Variants in DYSF observed in about 807,000 individuals in gnomAD.
DYSF encodes dystrophy-associated fer-1-like 1.
A neutral mutation model predicts 274.9 loss-of-function variants in DYSF; 212 were observed. The observed-to-expected ratio is 0.77, with a 90% CI of 0.69 to 0.86. The LOEUF (loss-of-function observed/expected upper bound fraction) is 0.86. DYSF is among the 40% of genes least tolerant of loss of function. The probability of loss-of-function intolerance (pLI) is 0.00; values close to 1 mark genes in which losing one functional copy is unlikely to be tolerated. For synonymous variants in DYSF, 1,091 were observed against 1,078.7 expected (o/e 1.01, Z -0.22); for missense variants, 2,666 against 2,783.2 (o/e 0.96, Z 0.95).
Position 71,611,590 on chromosome 2 carries a change from C to A in DYSF, c.4185C>A (p.Asn1395Lys), listed in dbSNP as rs769037989. Residue 1395 changes from asparagine (N) to lysine (K), a missense_variant, in exon 38 of 56, where the codon AAC becomes AAA. This residue lies in a region of DYSF where 1,460 missense variants were observed against 1,502.1 expected (regional missense o/e 0.97). Transcript: ENST00000410020. ...GTGTCATCAGGAACCTCCGGAAGAA[C>A]CCCAACTTTGACATCTGCACCCTCT... ...QSCVIRNLRK[N>K]PNFDICTLFM... 2 of 1,614,028 alleles carry A rather than the reference C, an allele frequency of 1.2e-6. No homozygotes were observed. Among genetic ancestry groups the A allele is most frequent in the Non-Finnish European group, 1.7e-6 (2 of 1,180,038 alleles).
intron 30 of DYSF, among the ~76,000 whole-genome samples, chr2:71,583,197 AAATAT>A (rs2092954086): frequency 6.6e-6 from 1 of 152,198 alleles, no homozygotes; most frequent in Admixed American, 6.5e-5. Flanking sequence ...GAATTCCTGA[AAATAT>A]AATCTGCTCT....
intron 47 of DYSF, 124 bp from the exon 48 acceptor site, chr2:71,667,252 G>A: frequency 7.2e-7 from 1 of 1,388,694 alleles, no homozygotes; most frequent in Non-Finnish European, 1.0e-6. Flanking sequence ...TGCTGGGGGT[G>A]AGGCTGCGGG....
chr2:71,480,555 A>T (rs1445731464), intron 1 of DYSF, among the ~76,000 whole-genome samples: 1 of 152,022 alleles, frequency 6.6e-6, no homozygotes, highest in Admixed American at 6.6e-5. Flanking sequence ...TGCTGTCTCT[A>T]AAAAAAATAA....
chr2:71,656,220 A>C lies in DYSF; in HGVS notation c.4685A>C (p.Asn1562Thr). The C allele has an allele frequency of 6.2e-7, 1 of 1,614,216 alleles. No homozygotes were observed. The highest frequency in any genetic ancestry group is 8.5e-7 in the Non-Finnish European group (1 of 1,180,052). Residue 1562 changes from asparagine to threonine, a missense_variant, in exon 43 of 56, where the codon AAC becomes ACC. Transcript: ENST00000410020. ...TTTGAGGGCCTGTCTGACTTTTGTA[A>C]CACCTTCAAGCTGTACCGGGGCAAG... is the stretch of plus-strand genomic sequence containing the variant. Reference protein sequence around the residue: ...EAFEGLSDFCNTFKLYRGKTQ... With the variant: ...EAFEGLSDFCTTFKLYRGKTQ...
At chr2:71,564,423 T>A (rs1459794504) in intron 24 of DYSF, among the ~76,000 whole-genome samples, 1 of 152,126 alleles carries the variant, frequency 6.6e-6, no homozygotes, top group African/African-American at 2.4e-5. Flanking sequence ...AGGAAGTTAG[T>A]AGGTTTGAGC....
chr2:71,596,305 C>T (rs1380068814), intron 32 of DYSF, among the ~76,000 whole-genome samples: 1 of 152,278 alleles, frequency 6.6e-6, no homozygotes, highest in East Asian at 1.9e-4. Context: ...ACCAATACAG[C>T]GTGCACAGCC....
intron 40 of DYSF, among the ~76,000 whole-genome samples, chr2:71,619,813 G>A (rs1372031255): frequency 2.6e-5 from 4 of 152,118 alleles, no homozygotes; most frequent in African/African-American, 9.7e-5. Flanking sequence ...CTAGAGTATC[G>A]TAGTGGTCTC....
intron 45 of DYSF, among the ~76,000 whole-genome samples, chr2:71,662,641 T>TTG (rs56800164): frequency 1.3e-4 from 20 of 151,054 alleles, no homozygotes; most frequent in African/African-American, 4.4e-4. Flanking sequence ...TGTGTGTATT[T>TTG]TGTGTGTATG....
intron 17 of DYSF, 111 bp from the exon 18 acceptor site, chr2:71,550,930 A>C: frequency 1.2e-6 from 1 of 846,296 alleles, no homozygotes; most frequent in East Asian, 2.5e-5. Context: ...CATCTGGTGC[A>C]TGTGGGGGGG....
chr2:71,461,107 T>C (rs2081267336), intron 1 of DYSF, among the ~76,000 whole-genome samples: 1 of 152,106 alleles, frequency 6.6e-6, no homozygotes, highest in Non-Finnish European at 1.5e-5. Flanking sequence ...GCCAGGCCAG[T>C]CCTGTACTAC....
intron 32 of DYSF, among the ~76,000 whole-genome samples, chr2:71,593,949 T>C (rs1292047669): frequency 6.6e-6 from 1 of 152,174 alleles, no homozygotes; most frequent in East Asian, 1.9e-4. Context: ...AGATGCCACG[T>C]CATTTATTAA....
intron 9 of DYSF, among the ~76,000 whole-genome samples, chr2:71,516,512 C>A (rs560697845): frequency 5.9e-5 from 9 of 152,234 alleles, no homozygotes; most frequent in African/African-American, 1.9e-4. Context: ...GCAGCAGCTG[C>A]GGGAGAGCCC....
chr2:71,519,852 G>A (rs544319846), intron 10 of DYSF, among the ~76,000 whole-genome samples: 20 of 136,560 alleles, frequency 1.5e-4, no homozygotes, highest in Non-Finnish European at 2.8e-4. Context: ...TAATAGAGAT[G>A]GAGTTTCACC....
At chr2:71,468,578 CCTTA>C (rs1301917106) in intron 1 of DYSF, among the ~76,000 whole-genome samples, 2 of 152,156 alleles carry the variant, frequency 1.3e-5, no homozygotes, top group African/African-American at 2.4e-5. Context: ...CTTTGTAATG[CCTTA>C]CTATTTATTT....
At position 71,667,467 on chromosome 2, in the gene DYSF, C is replaced by A. The variant is rs375787986; in HGVS notation, c.5409C>A (p.His1803Gln). 1 of 1,614,140 alleles carries A rather than the reference C, an allele frequency of 6.2e-7. No homozygotes were observed. Among genetic ancestry groups the A allele is most frequent in the Non-Finnish European group, 8.5e-7 (1 of 1,180,022 alleles). Residue 1803 changes from histidine to glutamine, a missense_variant, in exon 48 of 56, where the codon CAC (histidine) becomes CAA (glutamine). Coordinates refer to ENST00000410020, the MANE Select transcript of DYSF (RefSeq NM_001130987.2). ...VLQQQGLVPE[H>Q]VESRPLYSPL... ...AGCAGCAGGGCCTGGTCCCGGAGCA[C>A]GTGGAGTCACGGCCCCTCTACAGCC...
intron 53 of DYSF, among the ~76,000 whole-genome samples, 154 bp downstream of exon 53, chr2:71,679,389 A>G (rs1368095745): frequency 6.9e-6 from 1 of 144,590 alleles, no homozygotes; most frequent in East Asian, 2.0e-4. Context: ...TCTATTTTCC[A>G]AGGCATTCTC....
chr2:71,515,748 TGAGGTGGGAGA>T lies in DYSF; in HGVS notation c.886_888+8del. On this transcript the variant is annotated splice_donor_variant and splice_donor_5th_base_variant and coding_sequence_variant and intron_variant, in exon 8 of 56. Transcript: ENST00000410020. LOFTEE classifies it high-confidence loss of function. ...ACAAGGGAAACAGCCCACTCTTCAA[TGAGGTGGGAGA>T]CATGGGGCATGAGGGCCAGAACCTT... The T allele has an allele frequency of 1.2e-6, 2 of 1,614,008 alleles. No homozygotes were observed. The highest frequency in any genetic ancestry group is 1.7e-6 in the Non-Finnish European group (2 of 1,179,978).
At chr2:71,643,915 G>C in intron 41 of DYSF, 50 bp from the exon 42 acceptor site, 1 of 1,454,300 alleles carries the variant, frequency 6.9e-7, no homozygotes, top group Non-Finnish European at 9.5e-7. Flanking sequence ...GAAGAATGCT[G>C]CTTGGCGAGT....
chr2:71,529,983 GCTCT>G (rs1364358233), intron 14 of DYSF, among the ~76,000 whole-genome samples: 1 of 152,200 alleles, frequency 6.6e-6, no homozygotes, highest in Admixed American at 6.5e-5. Flanking sequence ...TTTGAGCTGG[GCTCT>G]CTCTCCTCAG....
Sources: allele counts gnomAD v4.1 joint callset (sites outside exome capture counted in the v4.1 genomes callset), GRCh38; gene constraint gnomAD v4.1.1; regional missense constraint gnomAD v4.1.1; transcripts MANE v1.5; gene names NCBI Gene and HGNC (gene_info 2026-07-23, HGNC 2026-07-21).